The following PCNT variants were observed in gnomAD, a reference collection of about 807,000 sequenced individuals.
PCNT encodes kendrin.
A neutral mutation model predicts 380.4 loss-of-function variants in PCNT; 319 were observed. The observed-to-expected ratio is 0.84, with a 90% CI of 0.77 to 0.92. The LOEUF (loss-of-function observed/expected upper bound fraction) is 0.92, where lower values mean the gene tolerates loss of function less well. Ranked by LOEUF, PCNT falls within the 40% of genes least tolerant of loss-of-function variation. The pLI is 0.00. For synonymous variants in PCNT, 1,845 were observed against 1,735.2 expected (o/e 1.06, Z -1.57); for missense variants, 4,400 against 4,255.3 (o/e 1.03, Z -0.95).
intron 46 of PCNT, 45 bp downstream of exon 46, chr21:46,444,866 G>A: frequency 6.3e-7 from 1 of 1,591,772 alleles, no homozygotes. Context: ...GATTATCACT[G>A]TACCCTGGAA....
In PCNT at chr21:46,388,949, C is replaced by G. The variant is rs1283375474; in HGVS notation, c.3607+65C>G. 2 of 1,537,616 alleles carry G rather than the reference C, an allele frequency of 1.3e-6. No individual in the cohort carries two copies. The highest frequency in any genetic ancestry group is 1.7e-6 in the Non-Finnish European group (2 of 1,146,318). ...AGCCCCTCTGTGGTCCTGGAGCTCT[C>G]TGAGAGGAGCCTCCGTATTGGGCGA... is the stretch of plus-strand genomic sequence containing the variant. On this transcript the variant is annotated intron_variant, in intron 18 of 46. Coordinates refer to ENST00000359568, the MANE Select transcript of PCNT (RefSeq NM_006031.6). This position sits in a 1 kb window ranked among gnomAD's most constrained non-coding sequence, Gnocchi z 4.2.
At chr21:46,331,859 T>C (rs1017578896) in intron 2 of PCNT, among the ~76,000 whole-genome samples, 2 of 152,164 alleles carry the variant, frequency 1.3e-5, no homozygotes, top group Non-Finnish European at 2.9e-5. Flanking sequence ...GAGGCCATTT[T>C]TTGGTAAAAG....
chr21:46,385,492 G>A (rs1005746651), intron 16 of PCNT, among the ~76,000 whole-genome samples: 3 of 152,236 alleles, frequency 2.0e-5, no homozygotes, highest in Admixed American at 2.0e-4. Context: ...GGTTCCACCT[G>A]GGGATGTTTG....
chr21:46,411,215 T>C lies in PCNT; in HGVS notation c.5142T>C (p.Ile1714=), dbSNP rs773642627. The C allele has an allele frequency of 1.9e-6, 3 of 1,614,144 alleles. No homozygotes were observed. The highest frequency in any genetic ancestry group is 2.5e-6 in the Non-Finnish European group (3 of 1,180,022). The change falls in exon 28 of 47, where the codon ATT becomes ATC. Residue 1714 remains isoleucine (I), a synonymous_variant. Transcript: ENST00000359568. ...LKVIYTRSSE[I]EELKATIENL... ...TCATATATACCAGAAGTTCTGAGAT[T>C]GAAGAGCTGAAAGCCACTATTGAAA...
At chr21:46,333,904 A>G (rs1380299040) in intron 2 of PCNT, among the ~76,000 whole-genome samples, 1 of 151,046 alleles carries the variant, frequency 6.6e-6, no homozygotes. Context: ...AATTACTTGC[A>G]TTATAAAAAT....
chr21:46,365,405 C>T lies in PCNT; in HGVS notation c.2610-1179C>T, dbSNP rs1400339155. Among the ~76,000 whole-genome samples, 47 of 146,342 alleles carry T rather than the reference C, an allele frequency of 3.2e-4. 1 individual carries two copies. The highest frequency in any genetic ancestry group is 3.6e-4 in the Non-Finnish European group (24 of 66,596). On this transcript the variant is annotated intron_variant, in intron 14 of 46. Transcript: ENST00000359568. ...GGGTTCTGTTCACTGCCGTGGGGTT[C>T]TGATCACTGCCGTGGGGTTCTATTC...
intron 25 of PCNT, among the ~76,000 whole-genome samples, chr21:46,400,234 G>C (rs2086374617): frequency 6.6e-6 from 1 of 152,150 alleles, no homozygotes; most frequent in Admixed American, 6.6e-5. Flanking sequence ...TGTTTGCCGT[G>C]TTGTGTGTGT....
intron 13 of PCNT, among the ~76,000 whole-genome samples, chr21:46,360,239 T>TA (rs1555958267): frequency 1.4e-5 from 2 of 143,344 alleles, no homozygotes; most frequent in African/African-American, 5.2e-5. Flanking sequence ...TTTTTTTTTT[T>TA]AAAGACGGAA....
At chr21:46,414,180 C>T (rs1488839203) in intron 29 of PCNT, among the ~76,000 whole-genome samples, 2 of 151,994 alleles carry the variant, frequency 1.3e-5, no homozygotes, top group African/African-American at 2.4e-5. Flanking sequence ...TTAGTAGAGA[C>T]GGGGTTTCAC....
At chr21:46,442,641 C>A in intron 44 of PCNT, 68 bp downstream of exon 44, 1 of 1,015,618 alleles carries the variant, frequency 9.8e-7, no homozygotes, top group Non-Finnish European at 1.6e-6. Context: ...TTTTCATTCA[C>A]TTTGGGTCAT....
In PCNT at chr21:46,384,529, G is replaced by A. The variant is rs1400097856; in HGVS notation, c.3313-1303G>A. ...TCAGTGACGGAAGAGCATTCACGGT[G>A]TTGTGCGTTCAGTGGCGGAAGCCCA... On this transcript the variant is annotated intron_variant, in intron 16 of 46. Coordinates refer to ENST00000359568, the MANE Select transcript of PCNT (RefSeq NM_006031.6). Among the ~76,000 whole-genome samples, 3 of 148,288 alleles carry A rather than the reference G, an allele frequency of 2.0e-5. 1 individual carries two copies. The highest frequency in any genetic ancestry group is 6.8e-5 in the Admixed American group (1 of 14,728).
intron 1 of PCNT, chr21:46,325,099 C>G (rs529477156): frequency 1.0e-6 from 1 of 985,504 alleles, no homozygotes; most frequent in South Asian, 4.7e-5. Context: ...TTGATGGCCA[C>G]TGTCCTAGGT....
chr21:46,339,279 G>C (rs1395609778), intron 3 of PCNT, among the ~76,000 whole-genome samples: 1 of 152,168 alleles, frequency 6.6e-6, no homozygotes, highest in Non-Finnish European at 1.5e-5. Flanking sequence ...TTGGTGTCTT[G>C]CTTGCCGGTG....
chr21:46,402,564 G>A, intron 27 of PCNT, 81 bp downstream of exon 27: 2 of 1,476,454 alleles, frequency 1.4e-6, no homozygotes, highest in Non-Finnish European at 1.9e-6. Flanking sequence ...CCCTCATCGG[G>A]GAGGCGAGTC....
chr21:46,332,855 T>G (rs945041923), intron 2 of PCNT, among the ~76,000 whole-genome samples: 1 of 152,224 alleles, frequency 6.6e-6, no homozygotes, highest in Admixed American at 6.5e-5. Context: ...ATGCCTGTAT[T>G]GCCAGCATTT....
Position 46,440,935 on chromosome 21 carries a change from G to A in PCNT, c.9474G>A (p.Leu3158=), listed in dbSNP as rs1480973603. The A allele has an allele frequency of 6.2e-7, 1 of 1,613,166 alleles. No individual in the cohort carries two copies. Among genetic ancestry groups the A allele is most frequent in the Admixed American group, 1.7e-5 (1 of 60,024 alleles). ...ALIYQKKYLL[L]LIGGFQDSEQ... is the part of the protein sequence containing the mutation. ...TTTATCAAAAGAAGTATCTTTTGCT[G>A]TTGATTGGTGGATTCCAGGATTCTG... Residue 3158 remains leucine, a synonymous_variant, in exon 43 of 47, where the codon CTG becomes CTA. Transcript: ENST00000359568.
chr21:46,428,776 G>C (rs1470235083), intron 35 of PCNT, among the ~76,000 whole-genome samples, 186 bp downstream of exon 35: 3 of 152,260 alleles, frequency 2.0e-5, no homozygotes, highest in Non-Finnish European at 2.9e-5. Flanking sequence ...AGCGCTGGGT[G>C]GGGCTGGCAC....
intron 1 of PCNT, chr21:46,325,192 G>A (rs922920114): frequency 1.0e-6 from 1 of 985,694 alleles, no homozygotes; most frequent in Non-Finnish European, 1.2e-6. Context: ...AACCGCGGGA[G>A]CAGGCCGGCC....
chr21:46,388,921 T>G lies in PCNT; in HGVS notation c.3607+37T>G. 1 of 1,562,676 alleles carries G rather than the reference T, an allele frequency of 6.4e-7. No homozygotes were observed. The highest frequency in any genetic ancestry group is 8.6e-7 in the Non-Finnish European group (1 of 1,160,302). ...GGGACCAGCTGCCCAGCCCTGTGCT[T>G]GCAGCCCCTCTGTGGTCCTGGAGCT... On this transcript the variant is annotated intron_variant, in intron 18 of 46. Transcript: ENST00000359568. This position sits in a 1 kb window ranked among gnomAD's most constrained non-coding sequence, Gnocchi z 4.2.
Sources: gnomAD v4.1 joint callset for allele counts (sites outside exome capture counted in the v4.1 genomes callset) on GRCh38, gnomAD v4.1.1 for gene constraint, Gnocchi (gnomAD v3.1) non-coding constraint, MANE v1.5 for transcripts, NCBI Gene and HGNC (gene_info 2026-07-23, HGNC 2026-07-21) for gene names.